SLC39A11: variants seen among roughly 807,000 people sequenced by gnomAD.
SLC39A11 encodes the protein zinc transporter ZIP11.
In SLC39A11, 33 loss-of-function variants were observed where a neutral mutation model predicts 36.1. The observed-to-expected ratio is 0.91, with a 90% confidence interval of 0.69 to 1.22. The LOEUF (loss-of-function observed/expected upper bound fraction) is 1.22, where lower values mean the gene tolerates loss of function less well. SLC39A11 is among the 50% of genes most tolerant of loss of function. The probability of loss-of-function intolerance (pLI) is 0.00; values close to 1 mark genes in which losing one functional copy is unlikely to be tolerated. For synonymous variants in SLC39A11, 166 were observed against 170.3 expected (o/e 0.97, Z 0.20); for missense variants, 432 against 430.3 (o/e 1.00, Z -0.03).
chr17:72,747,301 C>T (rs142945283), intron 6 of SLC39A11, among the ~76,000 whole-genome samples: 1 of 152,304 alleles, frequency 6.6e-6, no homozygotes, highest in African/African-American at 2.4e-5. Context: ...CAAGTGCACA[C>T]CACTGCACCC....
intron 9 of SLC39A11, 52 bp downstream of exon 9, chr17:72,648,751 G>A: frequency 5.6e-6 from 9 of 1,599,760 alleles, no homozygotes; most frequent in Non-Finnish European, 7.7e-6. Context: ...CCAAGGCTGG[G>A]GTCCCAGCTG....
intron 6 of SLC39A11, among the ~76,000 whole-genome samples, chr17:72,827,597 A>G (rs1443417350): frequency 6.6e-6 from 1 of 152,210 alleles, no homozygotes; most frequent in Non-Finnish European, 1.5e-5. Flanking sequence ...AGGTGGGGAG[A>G]CACCAGGAAG....
intron 5 of SLC39A11, among the ~76,000 whole-genome samples, chr17:72,905,022 C>G (rs1017904157): frequency 1.3e-5 from 2 of 150,598 alleles, no homozygotes; most frequent in African/African-American, 4.9e-5. Flanking sequence ...ATATACAAAA[C>G]ATTAGCCAGG....
intron 5 of SLC39A11, among the ~76,000 whole-genome samples, chr17:72,897,189 G>C (rs2082079360): frequency 6.6e-6 from 1 of 152,142 alleles, no homozygotes; most frequent in African/African-American, 2.4e-5. Context: ...ATTCATGGCA[G>C]AGATGATGAA....
At chr17:73,004,232 A>AAAGAAAGAG in intron 4 of SLC39A11, among the ~76,000 whole-genome samples, 1 of 88,644 alleles carries the variant, frequency 1.1e-5, no homozygotes, top group East Asian at 2.9e-4. Context: ...AGAAAGAAAG[A>AAAGAAAGAG]AAAGAAAGAA....
intron 6 of SLC39A11, among the ~76,000 whole-genome samples, chr17:72,800,455 C>T (rs1302803687): frequency 2.0e-5 from 3 of 151,940 alleles, no homozygotes; most frequent in African/African-American, 7.3e-5. Context: ...GGATTACAGG[C>T]ACACACCACC....
chr17:72,918,964 G>A (rs1055890965), intron 5 of SLC39A11, among the ~76,000 whole-genome samples: 2 of 152,180 alleles, frequency 1.3e-5, no homozygotes, highest in African/African-American at 4.8e-5. Flanking sequence ...TCAGGAGGCT[G>A]AGGCAGGAGA....
At chr17:73,001,835 C>T (rs968571945) in intron 4 of SLC39A11, among the ~76,000 whole-genome samples, 2 of 152,114 alleles carry the variant, frequency 1.3e-5, no homozygotes, top group Admixed American at 6.5e-5. Context: ...CCAAGTCCTG[C>T]AGAGAGGCTG....
At chr17:72,650,422 A>AC (rs2069796348) in intron 7 of SLC39A11, among the ~76,000 whole-genome samples, 1 of 152,160 alleles carries the variant, frequency 6.6e-6, no homozygotes, top group Non-Finnish European at 1.5e-5. Context: ...TACATGAAGA[A>AC]CCCTTATTGT....
In SLC39A11 at chr17:72,947,093, G is replaced by A. The variant is rs1487828453; in HGVS notation, c.430+659C>T. ...TCCAGCACTTTGGGAAGCCGAGACAGGCAGATCACCTGAAGTCAGGAGTTC... is the reference window on the plus strand; with the variant it reads ...TCCAGCACTTTGGGAAGCCGAGACAAGCAGATCACCTGAAGTCAGGAGTTC... On this transcript the variant is annotated intron_variant, in intron 5 of 9. Coordinates refer to ENST00000255559, the MANE Select transcript of SLC39A11 (RefSeq NM_139177.4). Among the ~76,000 whole-genome samples, 3 of 152,204 alleles carry A rather than the reference G, an allele frequency of 2.0e-5. 1 individual carries two copies. Among genetic ancestry groups the A allele is most frequent in the Middle Eastern group, 6.3e-3 (2 of 316 alleles).
chr17:72,685,163 C>CT (rs2071685496), intron 7 of SLC39A11, among the ~76,000 whole-genome samples: 1 of 88,200 alleles, frequency 1.1e-5, no homozygotes, highest in African/African-American at 2.8e-5. Flanking sequence ...TGAGACAGGG[C>CT]CAGGCTCTTA....
chr17:72,873,081 A>G (rs935023461), intron 5 of SLC39A11, among the ~76,000 whole-genome samples: 9 of 151,174 alleles, frequency 6.0e-5, no homozygotes, highest in Non-Finnish European at 1.3e-4. Flanking sequence ...AAAAAAAAAA[A>G]GAATTATGGT....
At chr17:72,680,041 C>CAAAAAA (rs199650969) in intron 7 of SLC39A11, among the ~76,000 whole-genome samples, 49 of 71,694 alleles carry the variant, frequency 6.8e-4, no homozygotes, top group African/African-American at 2.1e-3. Context: ...GACTCTGTCT[C>CAAAAAA]AAAAAAAAAA....
chr17:72,857,063 C>A (rs1042868760), intron 5 of SLC39A11, among the ~76,000 whole-genome samples: 1 of 152,112 alleles, frequency 6.6e-6, no homozygotes, highest in African/African-American at 2.4e-5. Flanking sequence ...GTTTGTTGTA[C>A]AAATTATTTT....
At chr17:72,751,380 C>G (rs1439950644) in intron 6 of SLC39A11, among the ~76,000 whole-genome samples, 1 of 152,208 alleles carries the variant, frequency 6.6e-6, no homozygotes, top group Admixed American at 6.5e-5. Flanking sequence ...TTCTAAGAAT[C>G]GTGGCCCCCA....
At chr17:72,899,354 A>C (rs80160061) in intron 5 of SLC39A11, among the ~76,000 whole-genome samples, 24,480 of 151,992 alleles carry the variant, frequency 0.16, 4,018 homozygotes, top group African/African-American at 0.42. Flanking sequence ...CCCACTTTAA[A>C]TTTCCTATCC....
chr17:72,857,938 T>C (rs1567834640), intron 5 of SLC39A11, among the ~76,000 whole-genome samples: 1 of 152,276 alleles, frequency 6.6e-6, no homozygotes, highest in African/African-American at 2.4e-5. Context: ...CTGTTTACTC[T>C]GTTGATAGTT....
intron 7 of SLC39A11, among the ~76,000 whole-genome samples, chr17:72,699,444 TG>T (rs2072499810): frequency 6.6e-6 from 1 of 152,174 alleles, no homozygotes; most frequent in South Asian, 2.1e-4. Context: ...GGCCCTGGCT[TG>T]GCCTGGGAAT....
intron 3 of SLC39A11, among the ~76,000 whole-genome samples, chr17:73,034,471 C>T (rs751171613): frequency 6.8e-4 from 104 of 152,208 alleles, no homozygotes; most frequent in Non-Finnish European, 9.7e-4. Flanking sequence ...ATCTGCCTAC[C>T]TTGGCCTCCC....
Sources: allele counts gnomAD v4.1 joint callset (sites outside exome capture counted in the v4.1 genomes callset), GRCh38; gene constraint gnomAD v4.1.1; transcripts MANE v1.5; gene names NCBI Gene and HGNC (gene_info 2026-07-23, HGNC 2026-07-21).